Variants in CFAP77 observed in about 807,000 individuals in gnomAD.
CFAP77 encodes cilia- and flagella-associated protein 77.
Under a neutral mutation model 31.1 loss-of-function variants are expected in CFAP77, and 25 were observed. The observed-to-expected ratio is 0.80, with a 90% confidence interval of 0.59 to 1.12. CFAP77 has a LOEUF of 1.12. Among genes scored for constraint, CFAP77 ranks in the 50% most tolerant of loss-of-function variants. The pLI is 0.00. For synonymous variants in CFAP77, 151 were observed against 159.9 expected, an observed-to-expected ratio of 0.94 and a Z score of 0.42; for missense variants, 377 against 397.3, an observed-to-expected ratio of 0.95 and a Z score of 0.44.
chr9:132,548,286 G>GCC (rs1186812725), intron 5 of CFAP77, among the ~76,000 whole-genome samples: 18 of 128,878 alleles, frequency 1.4e-4, no homozygotes, highest in African/African-American at 3.5e-4. Flanking sequence ...GGGGGGTGGG[G>GCC]GGTGAAGCTG....
At chr9:132,464,759 G>A (rs1454803004) in intron 1 of CFAP77, among the ~76,000 whole-genome samples, 1 of 152,140 alleles carries the variant, frequency 6.6e-6, no homozygotes, top group East Asian at 1.9e-4. Context: ...GTATCCAAGA[G>A]CATCACTCAG....
intron 1 of CFAP77, chr9:132,482,242 C>A (rs1851460556): frequency 3.1e-6 from 3 of 977,432 alleles, no homozygotes; most frequent in South Asian, 1.5e-5. Context: ...CACTCAGGGT[C>A]TGCTGGCTGT....
chr9:132,438,364 G>C (rs931084332), intron 1 of CFAP77, among the ~76,000 whole-genome samples: 4 of 150,692 alleles, frequency 2.7e-5, no homozygotes, highest in African/African-American at 7.3e-5. Context: ...TTAATGATTG[G>C]CTCTGGTGAG....
intron 3 of CFAP77, among the ~76,000 whole-genome samples, chr9:132,505,473 C>G (rs967871166): frequency 6.6e-5 from 10 of 151,652 alleles, no homozygotes; most frequent in Non-Finnish European, 1.5e-4. Flanking sequence ...GAGGAGTTAT[C>G]TGGAAAATGG....
Position 132,455,582 on chromosome 9 carries a change from A to T in CFAP77, c.196-43113A>T, listed in dbSNP as rs1320292333. The stretch of plus-strand genomic sequence containing the variant: ...CTATCTCTACTAAAAATACAAAAAA[A>T]TAGCTCTGTATGATGGTACATGCCT... On this transcript the variant is annotated intron_variant, in intron 1 of 5. Coordinates refer to ENST00000393216, the MANE Select transcript of CFAP77 (RefSeq NM_001282957.2). This position sits in a 1 kb window ranked among gnomAD's most constrained non-coding sequence, Gnocchi z 4.1. 2.0e-5 allele frequency among the ~76,000 whole-genome samples: 3 copies of T among 151,760 alleles called. No individual in the cohort carries two copies. Among genetic ancestry groups the T allele is most frequent in the Admixed American group, 6.6e-5 (1 of 15,222 alleles).
At chr9:132,493,630 C>T (rs913805067) in intron 1 of CFAP77, among the ~76,000 whole-genome samples, 3 of 152,176 alleles carry the variant, frequency 2.0e-5, no homozygotes, top group Non-Finnish European at 2.9e-5. Context: ...CTAAAGCCCC[C>T]GGTGCTATCT....
chr9:132,458,346 G>A (rs1006321971), intron 1 of CFAP77, among the ~76,000 whole-genome samples: 3 of 137,726 alleles, frequency 2.2e-5, no homozygotes, highest in African/African-American at 8.3e-5. Flanking sequence ...CCCTGGCGGG[G>A]GAGGGGGGGG....
chr9:132,513,350 G>A (rs1053308153), intron 3 of CFAP77: 19 of 1,541,420 alleles, frequency 1.2e-5, no homozygotes, highest in Admixed American at 8.2e-5. Context: ...CCATCTGGCC[G>A]CTTTCGCTTC....
intron 5 of CFAP77, among the ~76,000 whole-genome samples, chr9:132,549,519 A>T (rs1280490640): frequency 6.6e-6 from 1 of 152,170 alleles, no homozygotes; most frequent in Non-Finnish European, 1.5e-5. Context: ...CAGTATGCCG[A>T]CGAGCTGACT....
chr9:132,548,188 A>G (rs1242598116), intron 5 of CFAP77, among the ~76,000 whole-genome samples: 3 of 141,010 alleles, frequency 2.1e-5, no homozygotes, highest in Non-Finnish European at 4.5e-5. Flanking sequence ...GGAGAGAAGC[A>G]CCCGAGCATC....
At chr9:132,465,942 C>G (rs924166121) in intron 1 of CFAP77, among the ~76,000 whole-genome samples, 17 of 152,180 alleles carry the variant, frequency 1.1e-4, no homozygotes, top group African/African-American at 4.1e-4. Context: ...AGGGCCTGCA[C>G]CAGAAACCTG....
intron 4 of CFAP77, among the ~76,000 whole-genome samples, chr9:132,537,953 C>T (rs1036574210): frequency 2.0e-5 from 3 of 152,100 alleles, no homozygotes; most frequent in Non-Finnish European, 4.4e-5. Flanking sequence ...GTCAATAGGC[C>T]CTGTGTGACC....
At chr9:132,483,365 A>G (rs1418810431) in intron 1 of CFAP77, among the ~76,000 whole-genome samples, 9 of 152,122 alleles carry the variant, frequency 5.9e-5, no homozygotes, top group African/African-American at 2.2e-4. Context: ...CATAAAGCAT[A>G]TATTAGAGTG....
At chr9:132,432,316 T>C (rs1305161363) in intron 1 of CFAP77, among the ~76,000 whole-genome samples, 3 of 152,042 alleles carry the variant, frequency 2.0e-5, no homozygotes, top group Non-Finnish European at 4.4e-5. Flanking sequence ...CCTAGCAAGA[T>C]GTGAACAGAG....
chr9:132,414,116 C>G (rs924559279), intron 1 of CFAP77, among the ~76,000 whole-genome samples: 2 of 152,204 alleles, frequency 1.3e-5, no homozygotes, highest in Admixed American at 6.5e-5. Flanking sequence ...ATTAATTAAC[C>G]AATGACAATC....
At chr9:132,522,175 C>T (rs1852280636) in intron 3 of CFAP77, among the ~76,000 whole-genome samples, 1 of 152,168 alleles carries the variant, frequency 6.6e-6, no homozygotes, top group East Asian at 1.9e-4. Flanking sequence ...AGTCTGGGGT[C>T]CTATATGAAA....
chr9:132,471,570 G>C (rs1249824561), intron 1 of CFAP77, among the ~76,000 whole-genome samples: 1 of 151,934 alleles, frequency 6.6e-6, no homozygotes, highest in African/African-American at 2.4e-5. Flanking sequence ...TTTATGTTGT[G>C]CTATAAACAT....
chr9:132,530,339 A>C (rs1852421168), intron 3 of CFAP77, among the ~76,000 whole-genome samples: 1 of 150,326 alleles, frequency 6.7e-6, no homozygotes, highest in African/African-American at 2.4e-5. Flanking sequence ...GCAGTGGTGC[A>C]ATCTCGGCTC....
At chr9:132,530,666 G>A (rs1190295650) in intron 3 of CFAP77, among the ~76,000 whole-genome samples, 2 of 152,044 alleles carry the variant, frequency 1.3e-5, no homozygotes, top group South Asian at 2.1e-4. Context: ...TTCTAGATAC[G>A]AGTCCTTTGC....
Sources: gnomAD v4.1 joint callset for allele counts (sites outside exome capture counted in the v4.1 genomes callset) on GRCh38, gnomAD v4.1.1 for gene constraint, Gnocchi (gnomAD v3.1) non-coding constraint, MANE v1.5 for transcripts, NCBI Gene and HGNC (gene_info 2026-07-23, HGNC 2026-07-21) for gene names.